Variants in PRSS23 observed in about 807,000 individuals in gnomAD.
PRSS23 encodes protease, serine 23.
In PRSS23, 25 loss-of-function variants were observed where a neutral mutation model predicts 34.7. The observed-to-expected ratio is 0.72, with a 90% CI of 0.53 to 1.01. The LOEUF is 1.01. PRSS23 is among the 50% of genes least tolerant of loss of function. The pLI, the probability that PRSS23 is intolerant of heterozygous loss-of-function variation, is 0.00. For missense variants in PRSS23, 445 were observed against 475.6 expected, an observed-to-expected ratio of 0.94 and a Z score of 0.60; for synonymous variants, 176 against 186.6, an observed-to-expected ratio of 0.94 and a Z score of 0.46.
intron 2 of PRSS23, among the ~76,000 whole-genome samples, chr11:86,882,705 TG>T (rs76629460): frequency 6.6e-6 from 1 of 152,210 alleles, no homozygotes; most frequent in African/African-American, 2.4e-5. Context: ...CCTATTTCTT[TG>T]GGTATATCCT....
chr11:86,802,984 C>G (rs1196191845), intron 1 of PRSS23, among the ~76,000 whole-genome samples: 2 of 152,152 alleles, frequency 1.3e-5, no homozygotes, highest in East Asian at 3.8e-4. Flanking sequence ...ATTTATGAAT[C>G]AGATACCCAA....
Position 86,943,396 on chromosome 11 carries a change from G to C in PRSS23, c.207-7820G>C, listed in dbSNP as rs376497451. Among the ~76,000 whole-genome samples the C allele has an allele frequency of 5.0e-4, 76 of 152,286 alleles. No individual in the cohort carries two copies. The East Asian group carries it at 7.4e-3, about 15-fold the overall frequency. On this transcript the variant is annotated intron_variant, in intron 2 of 2. Transcript: ENST00000533902. ...TCCCAGCACTTTGGGAGGCTGAGGC[G>C]GGAGGATCGCCTGAGGTCAGGAGTT... is the stretch of plus-strand genomic sequence containing the variant.
intron 2 of PRSS23, among the ~76,000 whole-genome samples, chr11:86,850,828 A>G (rs1485938581): frequency 6.6e-6 from 1 of 152,212 alleles, no homozygotes; most frequent in Non-Finnish European, 1.5e-5. Flanking sequence ...TTGCAATTCC[A>G]GTTTTCCTCA....
intron 2 of PRSS23, among the ~76,000 whole-genome samples, chr11:86,836,324 CTAAGGGGATACTGCCTTTGG>C (rs1948405335): frequency 6.6e-6 from 1 of 152,098 alleles, no homozygotes; most frequent in Non-Finnish European, 1.5e-5. Context: ...GCCTTGGGGT[CTAAGGGGATACTGCCTTTGG>C]TAGGGAAAGG....
At chr11:86,828,152 G>A (rs995896941) in intron 2 of PRSS23, among the ~76,000 whole-genome samples, 1 of 152,136 alleles carries the variant, frequency 6.6e-6, no homozygotes, top group Non-Finnish European at 1.5e-5. Context: ...GGTCACTCAG[G>A]ACTTGCTTTA....
intron 2 of PRSS23, among the ~76,000 whole-genome samples, chr11:86,888,038 G>C (rs866067176): frequency 6.7e-6 from 1 of 149,278 alleles, no homozygotes; most frequent in South Asian, 2.1e-4. Context: ...GGTAACAAGA[G>C]TGAAACTCTG....
In PRSS23 at chr11:86,870,174, A is replaced by G. The variant is rs370444694; in HGVS notation, c.206+46581A>G. Among the ~76,000 whole-genome samples the G allele has an allele frequency of 9.2e-5, 14 of 152,230 alleles. No homozygotes were observed. The East Asian group carries it at 1.9e-3, about 21-fold the overall frequency. The stretch of plus-strand genomic sequence containing the variant: ...CCAGCAGAGGGCAGGCTTGGATGGA[A>G]CTAGCATCCCAGGCCCTCTGACCAG... On this transcript the variant is annotated intron_variant, in intron 2 of 2. Coordinates refer to the PRSS23 transcript ENST00000533902.
intron 2 of PRSS23, among the ~76,000 whole-genome samples, chr11:86,839,644 T>A (rs1948432611): frequency 6.6e-6 from 1 of 151,688 alleles, no homozygotes; most frequent in South Asian, 2.1e-4. Flanking sequence ...CCAAGACACA[T>A]AATCGTCAGA....
intron 2 of PRSS23, among the ~76,000 whole-genome samples, chr11:86,920,045 T>A (rs535028995): frequency 1.4e-4 from 22 of 152,258 alleles, no homozygotes; most frequent in African/African-American, 5.3e-4. Flanking sequence ...TGTGGTGAGG[T>A]CTGCGGTTTG....
intron 1 of PRSS23, chr11:86,823,198 C>G (rs899125429): frequency 1.7e-6 from 1 of 598,486 alleles, no homozygotes; most frequent in Non-Finnish European, 3.0e-6. Context: ...ACAATTTATT[C>G]AGTTCCTATT....
At chr11:86,837,097 A>C (rs993255749) in intron 2 of PRSS23, 1 of 152,216 alleles carries the variant, frequency 6.6e-6, no homozygotes, top group African/African-American at 2.4e-5. Context: ...ATATATAACA[A>C]ATTCATAATT....
chr11:86,847,585 G>C (rs1948497121), intron 2 of PRSS23, among the ~76,000 whole-genome samples: 1 of 152,114 alleles, frequency 6.6e-6, no homozygotes. Flanking sequence ...GGGCATCCCT[G>C]TGTTTAAAAT....
chr11:86,825,403 G>C (rs1279766196), intron 2 of PRSS23, among the ~76,000 whole-genome samples: 4 of 152,252 alleles, frequency 2.6e-5, no homozygotes, highest in Middle Eastern at 6.8e-3. Context: ...TGAGTAGGTT[G>C]TGAAAATTTT....
chr11:86,853,720 C>T (rs990927092), intron 2 of PRSS23, among the ~76,000 whole-genome samples: 43 of 152,152 alleles, frequency 2.8e-4, no homozygotes, highest in African/African-American at 1.0e-3. Flanking sequence ...CCACTGCTGG[C>T]TTCTAATTCT....
chr11:86,926,625 C>G (rs1054322956), intron 2 of PRSS23, among the ~76,000 whole-genome samples: 3 of 152,134 alleles, frequency 2.0e-5, no homozygotes, highest in Non-Finnish European at 4.4e-5. Context: ...GGGGTATTGT[C>G]TTTTGACCCT....
chr11:86,950,569 C>G (rs1949281188), intron 2 of PRSS23: 1 of 166,002 alleles, frequency 6.0e-6, no homozygotes, highest in Non-Finnish European at 1.3e-5. Flanking sequence ...TCTAACACCA[C>G]TTCTTGGGAG....
At chr11:86,861,102 G>A (rs534360325) in intron 2 of PRSS23, among the ~76,000 whole-genome samples, 3 of 151,516 alleles carry the variant, frequency 2.0e-5, no homozygotes, top group African/African-American at 4.8e-5. Context: ...TCGAAATATC[G>A]TTAATACCCT....
intron 2 of PRSS23, among the ~76,000 whole-genome samples, chr11:86,825,367 A>G (rs1336728942): frequency 1.3e-5 from 2 of 152,056 alleles, no homozygotes; most frequent in Non-Finnish European, 2.9e-5. Flanking sequence ...TTCTTTGTAG[A>G]TTCCGGATAT....
downstream of PRSS23, among the ~76,000 whole-genome samples, chr11:86,814,200 A>G (rs942408322): frequency 3.9e-5 from 6 of 152,208 alleles, no homozygotes; most frequent in Non-Finnish European, 7.3e-5. Flanking sequence ...TCTGATTGTG[A>G]AGCTCAGTAG....
Sources: gnomAD v4.1 joint callset for allele counts (sites outside exome capture counted in the v4.1 genomes callset) on GRCh38, gnomAD v4.1.1 for gene constraint, MANE v1.5 for transcripts, NCBI Gene and HGNC (gene_info 2026-07-23, HGNC 2026-07-21) for gene names.